SEPTIN14: variants seen among roughly 807,000 people sequenced by gnomAD.
SEPTIN14 encodes septin 14, also known as septin-14.
Under a neutral mutation model 53.6 loss-of-function variants are expected in SEPTIN14, and 40 were observed. That is an observed-to-expected ratio of 0.75 (90% CI 0.58 to 0.97). The LOEUF is 0.97. Ranked by LOEUF, SEPTIN14 falls within the 50% of genes least tolerant of loss-of-function variation. The probability of loss-of-function intolerance (pLI) is 0.00; values close to 1 mark genes in which losing one functional copy is unlikely to be tolerated. For missense variants in SEPTIN14, 471 were observed against 508.2 expected (o/e 0.93, Z 0.70); for synonymous variants, 138 against 166.8 (o/e 0.83, Z 1.33).
At chr7:55,805,786 T>G (rs926886349) in intron 8 of SEPTIN14, among the ~76,000 whole-genome samples, 1 of 152,220 alleles carries the variant, frequency 6.6e-6, no homozygotes, top group Non-Finnish European at 1.5e-5. Flanking sequence ...CTTTCCAGGA[T>G]ATCATACATT....
At chr7:55,801,558 C>A (rs1456391927) in intron 9 of SEPTIN14, among the ~76,000 whole-genome samples, 1 of 152,060 alleles carries the variant, frequency 6.6e-6, no homozygotes, top group South Asian at 2.1e-4. Flanking sequence ...TAATCAGTAA[C>A]AAAAAATGCT....
intron 2 of SEPTIN14, among the ~76,000 whole-genome samples, chr7:55,856,062 A>C (rs543465862): frequency 6.6e-6 from 1 of 152,262 alleles, no homozygotes; most frequent in Admixed American, 6.5e-5. Flanking sequence ...GGAAATACTG[A>C]ATGTGCTGAG....
At chr7:55,799,906 A>G (rs560727341) in intron 9 of SEPTIN14, among the ~76,000 whole-genome samples, 53 of 152,300 alleles carry the variant, frequency 3.5e-4, no homozygotes, top group Middle Eastern at 3.4e-3. Context: ...GCATAGATAG[A>G]TTATTTCACT....
intron 9 of SEPTIN14, chr7:55,798,653 G>A: frequency 6.1e-6 from 2 of 325,372 alleles, no homozygotes; most frequent in African/African-American, 2.2e-5. Flanking sequence ...TCAGCAAGCG[G>A]CACCAGGCTC....
At chr7:55,827,134 C>T (rs1213407605) in intron 6 of SEPTIN14, among the ~76,000 whole-genome samples, 1 of 152,198 alleles carries the variant, frequency 6.6e-6, no homozygotes, top group East Asian at 1.9e-4. Context: ...AAGAAAATGG[C>T]TAGCCCAGTA....
intron 6 of SEPTIN14, among the ~76,000 whole-genome samples, chr7:55,832,796 G>T (rs1789133005): frequency 6.6e-6 from 1 of 152,028 alleles, no homozygotes; most frequent in Non-Finnish European, 1.5e-5. Context: ...TTGGTAGTGA[G>T]ATGTGATCAC....
At chr7:55,800,683 G>T (rs370917085) in intron 9 of SEPTIN14, among the ~76,000 whole-genome samples, 1 of 152,036 alleles carries the variant, frequency 6.6e-6, no homozygotes, top group Admixed American at 6.6e-5. Flanking sequence ...ACCAGAGGCT[G>T]GGAAGGGTGG....
At chr7:55,834,181 A>G (rs570221985) in intron 6 of SEPTIN14, among the ~76,000 whole-genome samples, 56 of 152,346 alleles carry the variant, frequency 3.7e-4, no homozygotes, top group Admixed American at 2.0e-3. Context: ...TAACACCTTC[A>G]GAGTCATTTT....
chr7:55,827,520 C>T (rs2064418309), intron 6 of SEPTIN14, among the ~76,000 whole-genome samples: 1 of 152,202 alleles, frequency 6.6e-6, no homozygotes, highest in Admixed American at 6.5e-5. Context: ...AGAGCTGGTA[C>T]AGCTCCTCCC....
rs1789175527 is a variant in SEPTIN14, at chr7:55,834,837, G to A, written c.559-251C>T. ...TCTTTTTGTGTTTTTAGTAAAGACG[G>A]GGTTTCACCGTGTTAGCCAGGATGG... On this transcript the variant is annotated intron_variant, in intron 5 of 9. Transcript: ENST00000388975. Among the ~76,000 whole-genome samples the A allele has an allele frequency of 5.9e-5, 9 of 152,096 alleles. No individual in the cohort carries two copies. In the South Asian group the frequency reaches 1.9e-3, roughly 32 times the overall value.
intron 7 of SEPTIN14, among the ~76,000 whole-genome samples, chr7:55,818,453 C>A (rs1164988132): frequency 8.2e-6 from 1 of 122,436 alleles, no homozygotes; most frequent in Non-Finnish European, 1.6e-5. Context: ...GCCTGGGCAA[C>A]ACGAGTGAAA....
intron 5 of SEPTIN14, among the ~76,000 whole-genome samples, chr7:55,841,056 C>T (rs1453852561): frequency 6.6e-6 from 1 of 152,074 alleles, no homozygotes; most frequent in Non-Finnish European, 1.5e-5. Flanking sequence ...CCTGCTACAA[C>T]GCCCAGCTAA....
At chr7:55,801,852 T>G (rs1259738304) in intron 9 of SEPTIN14, among the ~76,000 whole-genome samples, 1 of 151,732 alleles carries the variant, frequency 6.6e-6, no homozygotes, top group Admixed American at 6.6e-5. Flanking sequence ...GCCTGGGAGG[T>G]GGAAGTTGCA....
chr7:55,818,918 G>A (rs1435138084), intron 7 of SEPTIN14, among the ~76,000 whole-genome samples: 2 of 152,152 alleles, frequency 1.3e-5, no homozygotes, highest in African/African-American at 4.8e-5. Context: ...TTAAAGCAGC[G>A]TTCAGCAAAC....
intron 6 of SEPTIN14, among the ~76,000 whole-genome samples, chr7:55,829,554 T>C (rs1789055881): frequency 6.6e-6 from 1 of 152,008 alleles, no homozygotes; most frequent in African/African-American, 2.4e-5. Context: ...TGAATATCTC[T>C]ATGCATACAA....
chr7:55,839,365 GACA>G (rs1393054779), intron 5 of SEPTIN14, among the ~76,000 whole-genome samples: 1 of 144,286 alleles, frequency 6.9e-6, no homozygotes, highest in Non-Finnish European at 1.5e-5. Context: ...CTCCAGCCTG[GACA>G]ACAAGAGCAA....
intron 5 of SEPTIN14, among the ~76,000 whole-genome samples, 177 bp downstream of exon 5, chr7:55,842,765 T>A (rs1789335451): frequency 6.6e-6 from 1 of 151,776 alleles, no homozygotes; most frequent in Admixed American, 6.6e-5. Flanking sequence ...ACAAAAAAAT[T>A]AGCCGGGCGT....
chr7:55,833,048 C>T lies in SEPTIN14; in HGVS notation c.720+1377G>A, dbSNP rs183661353. On this transcript the variant is annotated intron_variant, in intron 6 of 9. Transcript: ENST00000388975. Reference sequence around the variant, plus strand: ...AAAAAAGATCTCGCCTGTGTGGTGGCTCACGCCTGTAATCCCAGCACTTTG... The same window carrying T: ...AAAAAAGATCTCGCCTGTGTGGTGGTTCACGCCTGTAATCCCAGCACTTTG... Among the ~76,000 whole-genome samples the T allele has an allele frequency of 8.5e-5, 13 of 152,200 alleles. 1 individual carries two copies. The highest frequency in any genetic ancestry group is 1.9e-4 in the African/African-American group (8 of 41,530).
chr7:55,834,682 G>C, intron 5 of SEPTIN14, 96 bp from the exon 6 acceptor site: 3 of 1,005,792 alleles, frequency 3.0e-6, no homozygotes, highest in South Asian at 3.3e-5. Flanking sequence ...TCGCTTTGTC[G>C]CCCAGGCTGG....
Sources: allele counts gnomAD v4.1 joint callset (sites outside exome capture counted in the v4.1 genomes callset), GRCh38; gene constraint gnomAD v4.1.1; transcripts MANE v1.5; gene names NCBI Gene and HGNC (gene_info 2026-07-23, HGNC 2026-07-21).